Variants in SMARCC1 observed in about 807,000 individuals in gnomAD.
SMARCC1 encodes the protein SWI/SNF complex subunit SMARCC1.
A neutral mutation model predicts 147.4 loss-of-function variants in SMARCC1; 43 were observed. The ratio of observed to expected loss-of-function variants is 0.29; its 90% CI spans 0.23 to 0.38. The LOEUF (loss-of-function observed/expected upper bound fraction) is 0.38. Among genes scored for constraint, SMARCC1 ranks in the 10% least tolerant of loss-of-function variants. The pLI is 1.00. For missense variants in SMARCC1, 1,119 were observed against 1,381.1 expected (o/e 0.81, Z 3.01); for synonymous variants, 495 against 484.4 (o/e 1.02, Z -0.29).
intron 21 of SMARCC1, among the ~76,000 whole-genome samples, chr3:47,645,576 T>C (rs750785151): frequency 6.6e-6 from 1 of 152,116 alleles, no homozygotes; most frequent in Non-Finnish European, 1.5e-5. Context: ...AAACTTCAGG[T>C]TACTTTTAAA....
chr3:47,733,566 C>T lies in SMARCC1; in HGVS notation c.576+2468G>A, dbSNP rs181688280. ...GACCAGCCTTTCCAATATGGTGAAA[C>T]CCCGTCTCTACTAAAAAATAAAAAA... is the stretch of plus-strand genomic sequence containing the variant. On this transcript the variant is annotated intron_variant, in intron 5 of 27. Coordinates refer to ENST00000254480, the MANE Select transcript of SMARCC1 (RefSeq NM_003074.4). Among the ~76,000 whole-genome samples, 28 of 151,756 alleles carry T rather than the reference C, an allele frequency of 1.8e-4. No individual in the cohort carries two copies. The East Asian group carries it at 4.1e-3, about 22-fold the overall frequency.
intron 26 of SMARCC1, among the ~76,000 whole-genome samples, chr3:47,594,588 A>G (rs2032239401): frequency 6.6e-6 from 1 of 152,214 alleles, no homozygotes; most frequent in Admixed American, 6.5e-5. Context: ...CACATAAAGG[A>G]GTGAAAGGCA....
At chr3:47,666,798 C>A (rs1384708592) in intron 19 of SMARCC1, among the ~76,000 whole-genome samples, 1 of 152,006 alleles carries the variant, frequency 6.6e-6, no homozygotes, top group South Asian at 2.1e-4. Flanking sequence ...CAATGTGGCC[C>A]AGGGAAGCCA....
intron 15 of SMARCC1, 65 bp from the exon 16 acceptor site, chr3:47,678,376 A>G (rs1020931029): frequency 2.8e-6 from 2 of 707,292 alleles, no homozygotes; most frequent in African/African-American, 3.7e-5. Context: ...GTTACTTAGA[A>G]ACTCAAAAAT....
rs765435301 is a variant in SMARCC1, at chr3:47,710,712, G to A, written c.889C>T (p.Arg297Cys). The A allele has an allele frequency of 1.2e-5, 19 of 1,613,618 alleles. No homozygotes were observed. Among genetic ancestry groups the A allele is most frequent in the East Asian group, 2.2e-5 (1 of 44,852 alleles). The change falls in exon 9 of 28, where the codon CGT (arginine) becomes TGT (cysteine). Residue 297 changes from arginine to cysteine, a missense_variant. Physicochemically the swap from Arg to Cys is radical, Grantham distance 180. Transcript: ENST00000254480. ...VDENRKPVSFRQRISTKNEEP... is the reference protein window; with the variant it reads ...VDENRKPVSFCQRISTKNEEP... ...TCATTCTTGGTTGAAATCCGCTGAC[G>A]AAAACTCACAGGCTTCCTATTTTCA...
intron 26 of SMARCC1, among the ~76,000 whole-genome samples, chr3:47,609,132 A>T (rs1301643573): frequency 6.6e-6 from 1 of 152,218 alleles, no homozygotes; most frequent in Non-Finnish European, 1.5e-5. Flanking sequence ...CTAAGCACTC[A>T]AAAGATATTT....
At position 47,708,083 on chromosome 3, in the gene SMARCC1, C is replaced by CTTTTTTTCT. The variant is rs1559650534; in HGVS notation, c.919-1554_919-1553insAGAAAAAAA. Among the ~76,000 whole-genome samples the CTTTTTTTCT allele has an allele frequency of 1.2e-3, 75 of 64,292 alleles. 7 individuals carry two copies. The highest frequency in any genetic ancestry group is 2.2e-3 in the Admixed American group (9 of 4,060). 42.2% of individuals were successfully genotyped at this position (64,292 alleles called of 152,430 possible). A position where few individuals can be genotyped will look rare whatever the true frequency, so the allele number is the denominator to read the frequency against. On this transcript the variant is annotated intron_variant, in intron 9 of 27. Transcript: ENST00000254480. ...GTAAATCTGAAGTTGAATTTTTTTT[C>CTTTTTTTCT]TTTTTTTTTTTTTTTTTTTTTTTTT...
At chr3:47,633,617 G>A (rs1284079846) in intron 24 of SMARCC1, among the ~76,000 whole-genome samples, 1 of 150,802 alleles carries the variant, frequency 6.6e-6, no homozygotes, top group Non-Finnish European at 1.5e-5. Flanking sequence ...AGTGATGGAC[G>A]CCTCTAATCC....
intron 12 of SMARCC1, among the ~76,000 whole-genome samples, chr3:47,692,341 T>C (rs2033800248): frequency 6.6e-6 from 1 of 152,184 alleles, no homozygotes; most frequent in African/African-American, 2.4e-5. Context: ...GACTTGGAAA[T>C]ACTAGGAAAG....
At chr3:47,735,117 C>G (rs572553227) in intron 5 of SMARCC1, among the ~76,000 whole-genome samples, 14 of 151,966 alleles carry the variant, frequency 9.2e-5, no homozygotes, top group Non-Finnish European at 1.9e-4. Flanking sequence ...TTAGGGAAGA[C>G]AGGATTACTT....
At chr3:47,771,033 C>A (rs1008494258) in intron 2 of SMARCC1, among the ~76,000 whole-genome samples, 1 of 152,148 alleles carries the variant, frequency 6.6e-6, no homozygotes, top group African/African-American at 2.4e-5. Flanking sequence ...GCCTCAGCCT[C>A]CCAAGGAGCT....
intron 12 of SMARCC1, among the ~76,000 whole-genome samples, chr3:47,691,029 C>T (rs1576412611): frequency 6.6e-6 from 1 of 152,322 alleles, no homozygotes; most frequent in East Asian, 1.9e-4. Flanking sequence ...AATAATCTCT[C>T]CCATTACTCA....
chr3:47,701,302 CT>C lies in SMARCC1; in HGVS notation c.1140del (p.Ile380MetfsTer4). The stretch of plus-strand genomic sequence containing the variant: ...CCATTTTTGGGAAGTACTACTTCTT[CT>C]ATATTGGGTACAGGTGTTGGGTCTT... ...DMEDPTPVPN[I>X]EEVVLPKNVN... On this transcript the variant is annotated frameshift_variant, in exon 11 of 28. Coordinates refer to ENST00000254480, the MANE Select transcript of SMARCC1 (RefSeq NM_003074.4). LOFTEE classifies it high-confidence loss of function. 1 of 1,613,056 alleles carries C rather than the reference CT, an allele frequency of 6.2e-7. No homozygotes were observed. The highest frequency in any genetic ancestry group is 8.5e-7 in the Non-Finnish European group (1 of 1,179,184).
Position 47,670,698 on chromosome 3 carries a change from C to A in SMARCC1, c.1859G>T (p.Gly620Val). ...GGTCTCCTGTTCAGTCCATTCTCTTCCAGCACTAGCACCTTTACTCTAAGG... is the reference window on the plus strand; with the variant it reads ...GGTCTCCTGTTCAGTCCATTCTCTTACAGCACTAGCACCTTTACTCTAAGG... The part of the protein sequence containing the change: ...TLAKSKGASA[G>V]REWTEQETLL... The change falls in exon 19 of 28, where the codon GGA (glycine) becomes GTA (valine). Residue 620 changes from glycine to valine, a missense_variant. Gly to Val is a moderately radical substitution (Grantham distance 109, BLOSUM62 -3). Transcript: ENST00000254480. The A allele has an allele frequency of 6.3e-7, 1 of 1,596,702 alleles. No homozygotes were observed. Among genetic ancestry groups the A allele is most frequent in the Non-Finnish European group, 8.6e-7 (1 of 1,163,868 alleles).
At chr3:47,705,351 T>C (rs1328944139) in intron 10 of SMARCC1, among the ~76,000 whole-genome samples, 1 of 141,528 alleles carries the variant, frequency 7.1e-6, no homozygotes, top group South Asian at 2.2e-4. Context: ...AAACGAACTA[T>C]AAAAAATAGT....
chr3:47,691,883 C>T lies in SMARCC1; in HGVS notation c.1225+1358G>A, dbSNP rs1020206974. ...GGCGTGGTGGCACGTGCCTGTAGTC[C>T]CAGCTACTCAGGGGGCTGAGGCAGG... On this transcript the variant is annotated intron_variant, in intron 12 of 27. Coordinates refer to ENST00000254480, the MANE Select transcript of SMARCC1 (RefSeq NM_003074.4). Among the ~76,000 whole-genome samples the T allele has an allele frequency of 3.2e-4, 48 of 152,134 alleles. No homozygotes were observed. The South Asian group carries it at 9.8e-3, about 31-fold the overall frequency.
intron 24 of SMARCC1, among the ~76,000 whole-genome samples, chr3:47,631,704 TTATCAC>T (rs2032893519): frequency 6.6e-6 from 1 of 152,254 alleles, no homozygotes; most frequent in African/African-American, 2.4e-5. Flanking sequence ...GAACCTCTAA[TTATCAC>T]TCCACGTCAG....
chr3:47,771,617 G>A (rs1396655523), intron 2 of SMARCC1, among the ~76,000 whole-genome samples: 2 of 151,982 alleles, frequency 1.3e-5, no homozygotes, highest in African/African-American at 2.4e-5. Flanking sequence ...GGTGGTGCAT[G>A]CCTGTAGTCC....
At chr3:47,663,078 AAAG>A (rs2033369768) in intron 19 of SMARCC1, among the ~76,000 whole-genome samples, 3 of 140,184 alleles carry the variant, frequency 2.1e-5, no homozygotes, top group Admixed American at 7.2e-5. Flanking sequence ...GAAAGAAAGA[AAAG>A]AAGAAACAAA....
Sources: allele counts gnomAD v4.1 joint callset (sites outside exome capture counted in the v4.1 genomes callset), GRCh38; gene constraint gnomAD v4.1.1; transcripts MANE v1.5; gene names NCBI Gene and HGNC (gene_info 2026-07-23, HGNC 2026-07-21).